DCC: variants seen among roughly 807,000 people sequenced by gnomAD.
DCC encodes DCC netrin 1 receptor.
In DCC, 58 loss-of-function variants were observed where a neutral mutation model predicts 172.5. The ratio of observed to expected loss-of-function variants is 0.34; its 90% confidence interval spans 0.27 to 0.42. The LOEUF (loss-of-function observed/expected upper bound fraction) is 0.42, where lower values mean the gene tolerates loss of function less well. Among genes scored for constraint, DCC ranks in the 10% least tolerant of loss-of-function variants. The probability of loss-of-function intolerance (pLI) is 1.00; values close to 1 mark genes in which losing one functional copy is unlikely to be tolerated. For missense variants in DCC, 1,740 were observed against 1,791.0 expected, an observed-to-expected ratio of 0.97 and a Z score of 0.51; for synonymous variants, 709 against 644.5, an observed-to-expected ratio of 1.10 and a Z score of -1.52.
At chr18:52,355,432 A>G (rs1021906163) in intron 1 of DCC, among the ~76,000 whole-genome samples, 1 of 152,196 alleles carries the variant, frequency 6.6e-6, no homozygotes, top group African/African-American at 2.4e-5. Context: ...ACCAAGATGT[A>G]GCTGTGTGAC....
chr18:52,996,136 T>C (rs905107939), intron 5 of DCC, among the ~76,000 whole-genome samples: 2 of 152,064 alleles, frequency 1.3e-5, no homozygotes, highest in Non-Finnish European at 2.9e-5. Flanking sequence ...TAGTACTGCA[T>C]AGCGATGTGT....
chr18:53,359,383 C>T (rs936355975), intron 15 of DCC, among the ~76,000 whole-genome samples: 1 of 152,008 alleles, frequency 6.6e-6, no homozygotes, highest in African/African-American at 2.4e-5. Context: ...TATTATCTTT[C>T]TTATGCTTTT....
chr18:53,130,829 G>T (rs1420430967), intron 7 of DCC, among the ~76,000 whole-genome samples: 1 of 151,980 alleles, frequency 6.6e-6, no homozygotes, highest in African/African-American at 2.4e-5. Flanking sequence ...GATTATGTGT[G>T]TTTTCTACTT....
At chr18:53,087,555 C>T (rs551578632) in intron 7 of DCC, among the ~76,000 whole-genome samples, 1 of 152,140 alleles carries the variant, frequency 6.6e-6, no homozygotes, top group Admixed American at 6.5e-5. Flanking sequence ...TGTAGGTTGC[C>T]TGTTTACTCT....
At chr18:52,464,367 C>A (rs891163146) in intron 1 of DCC, among the ~76,000 whole-genome samples, 2 of 152,122 alleles carry the variant, frequency 1.3e-5, no homozygotes. Context: ...TAGTTCCCTG[C>A]ATCCTTAAGA....
intron 1 of DCC, among the ~76,000 whole-genome samples, chr18:52,530,107 A>T (rs2032102960): frequency 6.6e-6 from 1 of 152,228 alleles, no homozygotes; most frequent in African/African-American, 2.4e-5. Flanking sequence ...AAATGTAAAA[A>T]TAATATAGTA....
At chr18:52,655,968 G>C (rs1204596265) in intron 1 of DCC, among the ~76,000 whole-genome samples, 1 of 126,374 alleles carries the variant, frequency 7.9e-6, no homozygotes, top group South Asian at 2.9e-4. Flanking sequence ...GTGTGTGTGT[G>C]TGTGTGTGTG....
chr18:52,841,690 C>T (rs576080415), intron 2 of DCC, among the ~76,000 whole-genome samples: 44 of 152,210 alleles, frequency 2.9e-4, no homozygotes, highest in Admixed American at 3.3e-4. Flanking sequence ...TGTCCAGACC[C>T]ACTTTGCTGG....
intron 9 of DCC, among the ~76,000 whole-genome samples, chr18:53,184,192 C>G (rs1337004447): frequency 1.3e-5 from 2 of 152,064 alleles, no homozygotes; most frequent in African/African-American, 4.8e-5. Flanking sequence ...TTTACATACT[C>G]TGCTACTTTC....
At chr18:53,267,462 C>G (rs2056693775) in intron 12 of DCC, among the ~76,000 whole-genome samples, 2 of 152,024 alleles carry the variant, frequency 1.3e-5, no homozygotes, top group Non-Finnish European at 2.9e-5. Context: ...GCTGAGATTA[C>G]AGGCATGAGC....
chr18:52,754,924 TG>T (rs1410639849), intron 2 of DCC, among the ~76,000 whole-genome samples: 1 of 152,186 alleles, frequency 6.6e-6, no homozygotes, highest in Non-Finnish European at 1.5e-5. Context: ...ACAGGCCAGG[TG>T]ACATCCTGAT....
intron 1 of DCC, among the ~76,000 whole-genome samples, chr18:52,357,946 A>AG (rs1185818720): frequency 4.9e-5 from 7 of 144,228 alleles, no homozygotes; most frequent in African/African-American, 1.8e-4. Flanking sequence ...TAAAAAAAAA[A>AG]AAAAAAAAAA....
chr18:52,389,061 C>T (rs1335935931), intron 1 of DCC, among the ~76,000 whole-genome samples: 1 of 152,076 alleles, frequency 6.6e-6, no homozygotes, highest in Non-Finnish European at 1.5e-5. Flanking sequence ...TGTGTATCCA[C>T]CCTCCCTGGA....
At chr18:53,085,436 T>C (rs1260415975) in intron 7 of DCC, among the ~76,000 whole-genome samples, 1 of 152,090 alleles carries the variant, frequency 6.6e-6, no homozygotes, top group African/African-American at 2.4e-5. Context: ...TCATTATTCT[T>C]TATGTGTAAG....
At chr18:52,398,803 TG>T (rs1986329368) in intron 1 of DCC, among the ~76,000 whole-genome samples, 1 of 151,838 alleles carries the variant, frequency 6.6e-6, no homozygotes, top group Non-Finnish European at 1.5e-5. Context: ...AGTCATGGAG[TG>T]CCCATTTATT....
rs547590554 is a variant in DCC at position 52,386,688 on chromosome 18, G to A, written c.91+45810G>A. Among the ~76,000 whole-genome samples, 5 of 152,186 alleles carry A rather than the reference G, an allele frequency of 3.3e-5. No individual in the cohort carries two copies. In the South Asian group the frequency reaches 8.3e-4, roughly 25 times the overall value. On this transcript the variant is annotated intron_variant, in intron 1 of 28. Coordinates refer to ENST00000442544, the MANE Select transcript of DCC (RefSeq NM_005215.4). ...GGGAAAGACAGCCAAGTAATACACAGCAGGATAAGCAAATTTTGGTTTTAG... is the reference window on the plus strand; with the variant it reads ...GGGAAAGACAGCCAAGTAATACACAACAGGATAAGCAAATTTTGGTTTTAG...
chr18:53,001,712 A>G (rs1470671409), intron 5 of DCC, among the ~76,000 whole-genome samples: 3 of 152,076 alleles, frequency 2.0e-5, no homozygotes, highest in Admixed American at 2.0e-4. Flanking sequence ...CTTAGAAGCA[A>G]TAATGAATTT....
intron 1 of DCC, among the ~76,000 whole-genome samples, chr18:52,586,621 G>A (rs2033680468): frequency 6.6e-6 from 1 of 152,210 alleles, no homozygotes; most frequent in African/African-American, 2.4e-5. Flanking sequence ...GGAACAGGAA[G>A]CAAAACGTTT....
At chr18:52,725,003 C>T (rs757446258) in intron 1 of DCC, among the ~76,000 whole-genome samples, 16 of 152,178 alleles carry the variant, frequency 1.1e-4, no homozygotes, top group Admixed American at 5.9e-4. Flanking sequence ...AAATAGCTAA[C>T]TATGAGGGTT....
Sources: gnomAD v4.1 joint callset for allele counts (sites outside exome capture counted in the v4.1 genomes callset) on GRCh38, gnomAD v4.1.1 for gene constraint, MANE v1.5 for transcripts, NCBI Gene and HGNC (gene_info 2026-07-23, HGNC 2026-07-21) for gene names.